The following ELAPOR2 variants were observed in gnomAD, a reference collection of about 807,000 sequenced individuals.
ELAPOR2 encodes endosome/lysosome-associated apoptosis and autophagy regulator family member 2.
A neutral mutation model predicts 120.7 loss-of-function variants in ELAPOR2; 89 were observed. The observed-to-expected ratio is 0.74, with a 90% CI of 0.62 to 0.88. ELAPOR2 has a LOEUF of 0.88. Among genes scored for constraint, ELAPOR2 ranks in the 40% least tolerant of loss-of-function variants. The pLI is 0.00. For synonymous variants in ELAPOR2, 444 were observed against 444.9 expected, an observed-to-expected ratio of 1.00 and a Z score of 0.03; for missense variants, 1,134 against 1,251.6, an observed-to-expected ratio of 0.91 and a Z score of 1.42.
At chr7:87,032,145 A>G (rs1794442345) in intron 1 of ELAPOR2, among the ~76,000 whole-genome samples, 1 of 152,158 alleles carries the variant, frequency 6.6e-6, no homozygotes, top group Non-Finnish European at 1.5e-5. Flanking sequence ...AAACTGATCA[A>G]TTTATATACT....
At chr7:86,963,353 T>C (rs1177591723) in intron 2 of ELAPOR2, among the ~76,000 whole-genome samples, 1 of 152,192 alleles carries the variant, frequency 6.6e-6, no homozygotes, top group Non-Finnish European at 1.5e-5. Context: ...TAACAGATTT[T>C]TGACCCCTAG....
chr7:86,968,032 C>CA (rs926718589), intron 1 of ELAPOR2, among the ~76,000 whole-genome samples: 113 of 150,828 alleles, frequency 7.5e-4, no homozygotes, highest in African/African-American at 1.5e-3. Flanking sequence ...TAAAAAACAA[C>CA]AAAAAAAAAT....
At chr7:86,985,790 T>C (rs1389782021) in intron 1 of ELAPOR2, among the ~76,000 whole-genome samples, 2 of 151,932 alleles carry the variant, frequency 1.3e-5, no homozygotes, top group Non-Finnish European at 2.9e-5. Context: ...CAACATTAGG[T>C]ATATCTCCTA....
intron 1 of ELAPOR2, among the ~76,000 whole-genome samples, chr7:86,975,645 T>C (rs576045853): frequency 3.9e-5 from 6 of 152,308 alleles, no homozygotes; most frequent in Admixed American, 2.6e-4. Context: ...GGCCAACCCC[T>C]GGCCAGGCCC....
intron 1 of ELAPOR2, among the ~76,000 whole-genome samples, chr7:87,015,873 C>T (rs1477673561): frequency 6.6e-6 from 1 of 152,174 alleles, no homozygotes; most frequent in Non-Finnish European, 1.5e-5. Flanking sequence ...TCAGATTGGG[C>T]TCTTTACACA....
intron 2 of ELAPOR2, among the ~76,000 whole-genome samples, chr7:86,963,069 T>A (rs769002936): frequency 7.2e-5 from 11 of 152,180 alleles, no homozygotes; most frequent in Non-Finnish European, 1.5e-4. Context: ...AAATTCAGAC[T>A]TCAGACAAAA....
intron 1 of ELAPOR2, among the ~76,000 whole-genome samples, chr7:87,040,061 A>G (rs1234233487): frequency 6.6e-6 from 1 of 152,192 alleles, no homozygotes; most frequent in Non-Finnish European, 1.5e-5. Context: ...CGCTTTTCCG[A>G]CGGGCTTAAA....
chr7:86,896,328 T>G (rs2115886503), intron 19 of ELAPOR2, among the ~76,000 whole-genome samples: 1 of 152,180 alleles, frequency 6.6e-6, no homozygotes, highest in African/African-American at 2.4e-5. Context: ...ACAATATAAT[T>G]CTTAATATAG....
At position 87,003,751 on chromosome 7, in the gene ELAPOR2, T is replaced by C. The variant is rs370149808; in HGVS notation, c.190-38727A>G. On this transcript the variant is annotated intron_variant, in intron 1 of 21. Coordinates refer to ENST00000450689, the MANE Select transcript of ELAPOR2 (RefSeq NM_001142749.3). ...ACATTCATCAAGGAATGTAAACTTA[T>C]AGCACAAGAGTGCCTGAAAGCTTAT... Among the ~76,000 whole-genome samples the C allele has an allele frequency of 1.6e-4, 24 of 152,198 alleles. No homozygotes were observed. The East Asian group carries it at 3.1e-3, about 20-fold the overall frequency.
At chr7:87,036,846 G>C (rs1431042276) in intron 1 of ELAPOR2, among the ~76,000 whole-genome samples, 2 of 152,138 alleles carry the variant, frequency 1.3e-5, no homozygotes, top group Non-Finnish European at 2.9e-5. Flanking sequence ...CAGTACCTGG[G>C]TGATGGGATC....
At chr7:87,006,020 T>A (rs1793458838) in intron 1 of ELAPOR2, among the ~76,000 whole-genome samples, 1 of 152,174 alleles carries the variant, frequency 6.6e-6, no homozygotes, top group African/African-American at 2.4e-5. Context: ...GAAAACATAC[T>A]TCTGGCAAAG....
chr7:86,915,826 T>A (rs970354108), intron 12 of ELAPOR2, among the ~76,000 whole-genome samples: 4 of 151,458 alleles, frequency 2.6e-5, no homozygotes, highest in Non-Finnish European at 2.9e-5. Flanking sequence ...ACACCACAGA[T>A]AGGAATAACA....
intron 1 of ELAPOR2, among the ~76,000 whole-genome samples, chr7:87,051,411 A>AC (rs1430316573): frequency 6.6e-6 from 1 of 152,218 alleles, no homozygotes; most frequent in East Asian, 1.9e-4. Flanking sequence ...AAATTTACCT[A>AC]CCCATATCCC....
Position 87,059,631 on chromosome 7 carries a change from G to T in ELAPOR2, c.-118C>A. ...TCGTCTCGCCGCTCCGTCACCCGCT[G>T]CCCGTCCGCCCGCTGACAGCTCTGC... On this transcript the variant is annotated 5_prime_UTR_variant, in exon 1 of 22. Transcript: ENST00000450689. 9.6e-7 allele frequency: 1 copy of T among 1,043,914 alleles called. No individual in the cohort carries two copies. The highest frequency in any genetic ancestry group is 1.2e-6 in the Non-Finnish European group (1 of 857,318). 64.7% of individuals were successfully genotyped at this position (1,043,914 alleles called of 1,614,324 possible).
Position 86,938,213 on chromosome 7 carries a change from C to G in ELAPOR2, c.1002G>C (p.Glu334Asp). 6.5e-7 allele frequency: 1 copy of G among 1,548,006 alleles called. No individual in the cohort carries two copies. Reference sequence around the variant, plus strand: ...GCTCTGTACACTCACTGGATCCTTCCTCTGCAACATAAAAAAAGCGTTTCA... The same window carrying G: ...GCTCTGTACACTCACTGGATCCTTCGTCTGCAACATAAAAAAAGCGTTTCA... ...IRCKDDSQFS[E>D]EGSSECTERP... The change falls in exon 8 of 22, where the codon GAG becomes GAC. Residue 334 changes from glutamate to aspartate, a missense_variant and splice_region_variant. This residue lies in a region of ELAPOR2 where 831 missense variants were observed against 867.6 expected (regional missense o/e 0.96). Transcript: ENST00000450689.
At chr7:86,917,146 G>A (rs905972247) in intron 12 of ELAPOR2, among the ~76,000 whole-genome samples, 6 of 151,798 alleles carry the variant, frequency 4.0e-5, no homozygotes, top group East Asian at 2.0e-4. Context: ...TTAGTTGGGC[G>A]CGGTGACTCA....
chr7:86,922,168 T>G (rs1789862763), intron 10 of ELAPOR2, among the ~76,000 whole-genome samples: 1 of 152,020 alleles, frequency 6.6e-6, no homozygotes, highest in African/African-American at 2.4e-5. Context: ...TATGGAACAG[T>G]GTCAACCAGA....
In ELAPOR2 at chr7:86,942,248, A is replaced by T. The variant is rs577709063; in HGVS notation, c.655-144T>A. 6 of 523,296 alleles carry T rather than the reference A, an allele frequency of 1.1e-5. No homozygotes were observed. The South Asian group carries it at 1.8e-4, about 16-fold the overall frequency. The allele number at this position is 523,296 out of a possible 1,614,324, so 32.4% of individuals were successfully genotyped here. A position where few individuals can be genotyped will look rare whatever the true frequency, so the allele number is the denominator to read the frequency against. On this transcript the variant is annotated intron_variant, in intron 4 of 21. Coordinates refer to ENST00000450689, the MANE Select transcript of ELAPOR2 (RefSeq NM_001142749.3). ...TAATTCTCAATAAGTAAACATACCGAGACCTCTGGAGCCTAAGTGACAACT... is the reference window on the plus strand; with the variant it reads ...TAATTCTCAATAAGTAAACATACCGTGACCTCTGGAGCCTAAGTGACAACT...
rs563416987 is a variant in ELAPOR2, at chr7:86,885,896, T to C, written c.3031-5366A>G. 3.9e-5 allele frequency among the ~76,000 whole-genome samples: 6 copies of C among 152,264 alleles called. No homozygotes were observed. In the South Asian group the frequency reaches 8.3e-4, roughly 21 times the overall value. ...TCTCATACATGCTAAAGGAGATCCCTTAACCAAGAACAGCTACATGTAGAG... is the reference window on the plus strand; with the variant it reads ...TCTCATACATGCTAAAGGAGATCCCCTAACCAAGAACAGCTACATGTAGAG... On this transcript the variant is annotated intron_variant, in intron 21 of 21. Coordinates refer to ENST00000450689, the MANE Select transcript of ELAPOR2 (RefSeq NM_001142749.3).
Sources: allele counts gnomAD v4.1 joint callset (sites outside exome capture counted in the v4.1 genomes callset), GRCh38; gene constraint gnomAD v4.1.1; regional missense constraint gnomAD v4.1.1; transcripts MANE v1.5; gene names NCBI Gene and HGNC (gene_info 2026-07-23, HGNC 2026-07-21).